WNK1: variants seen among roughly 807,000 people sequenced by gnomAD.
WNK1 encodes the protein serine/threonine-protein kinase WNK1.
Under a neutral mutation model 222.8 loss-of-function variants are expected in WNK1, and 38 were observed. The observed-to-expected ratio is 0.17, with a 90% CI of 0.13 to 0.22. WNK1 has a LOEUF of 0.22. WNK1 is among the 10% of genes least tolerant of loss of function. WNK1 has a pLI of 1.00. For missense variants in WNK1, 2,348 were observed against 2,918.4 expected, an observed-to-expected ratio of 0.80 and a Z score of 4.50; for synonymous variants, 1,090 against 1,092.9, an observed-to-expected ratio of 1.00 and a Z score of 0.05.
intron 23 of WNK1, among the ~76,000 whole-genome samples, chr12:895,074 A>G (rs1954622251): frequency 6.6e-6 from 1 of 152,238 alleles, no homozygotes; most frequent in Non-Finnish European, 1.5e-5. Context: ...CTTTGTGTAT[A>G]AAAATGTTTT....
At chr12:846,167 G>A (rs1006873720) in intron 4 of WNK1, among the ~76,000 whole-genome samples, 3 of 152,166 alleles carry the variant, frequency 2.0e-5, no homozygotes, top group African/African-American at 7.2e-5. Flanking sequence ...GGAGATGTGA[G>A]TAACAAAAGT....
At chr12:785,310 C>G (rs936282434) in intron 1 of WNK1, among the ~76,000 whole-genome samples, 1 of 151,990 alleles carries the variant, frequency 6.6e-6, no homozygotes, top group Middle Eastern at 3.2e-3. Context: ...ATTTCTTGCC[C>G]TCTGTTTTTT....
At chr12:768,834 G>A (rs1213603472) in intron 1 of WNK1, among the ~76,000 whole-genome samples, 1 of 150,242 alleles carries the variant, frequency 6.7e-6, no homozygotes, top group East Asian at 1.9e-4. Context: ...TTTTTGAGAC[G>A]GAGTCTTGCT....
intron 27 of WNK1, 161 bp from the exon 28 acceptor site, chr12:908,314 G>A: frequency 1.2e-6 from 1 of 828,256 alleles, no homozygotes. Flanking sequence ...CCTCTCATGA[G>A]GATTATTTTC....
chr12:902,178 A>T (rs1955320202), intron 26 of WNK1, among the ~76,000 whole-genome samples: 1 of 151,928 alleles, frequency 6.6e-6, no homozygotes, highest in South Asian at 2.1e-4. Context: ...GTGCACCTAT[A>T]GTCCCAGCTG....
rs1281361393 is a variant in WNK1, at chr12:911,363, C to T, written c.*2571C>T. The T allele has an allele frequency of 2.5e-6, 1 of 398,474 alleles. No homozygotes were observed. Among genetic ancestry groups the T allele is most frequent in the Non-Finnish European group, 4.4e-6 (1 of 226,060 alleles). 24.7% of individuals were successfully genotyped at this position (398,474 alleles called of 1,614,324 possible). ...TGCACTAACTCTGGGTGTTGCGCTT[C>T]TTGTAAGATTGCGCTTTGTGCTTCA... On this transcript the variant is annotated 3_prime_UTR_variant, in exon 28 of 28. Transcript: ENST00000315939.
rs1360173562 is a variant in WNK1, at chr12:910,166, A to G, written c.*1374A>G. The G allele has an allele frequency of 2.6e-5, 4 of 152,382 alleles. No homozygotes were observed. Among genetic ancestry groups the G allele is most frequent in the African/African-American group, 4.8e-5 (2 of 41,478 alleles). 9.4% of individuals were successfully genotyped at this position (152,382 alleles called of 1,614,324 possible). On this transcript the variant is annotated 3_prime_UTR_variant, in exon 28 of 28. Coordinates refer to ENST00000315939, the MANE Select transcript of WNK1 (RefSeq NM_018979.4). Reference sequence around the variant, plus strand: ...TAGTTTTCAAGTTGGGGAACCTGATAGTGAAAAGTCACAGATGGAGAAAAT... The same window carrying G: ...TAGTTTTCAAGTTGGGGAACCTGATGGTGAAAAGTCACAGATGGAGAAAAT...
chr12:891,689 G>A (rs1426992941), intron 22 of WNK1, among the ~76,000 whole-genome samples: 1 of 150,238 alleles, frequency 6.7e-6, no homozygotes, highest in African/African-American at 2.4e-5. Flanking sequence ...CTTGGAGTGT[G>A]GGCTGAGGAC....
At chr12:869,294 C>G (rs1565551723) in intron 8 of WNK1, 3 of 756,928 alleles carry the variant, frequency 4.0e-6, no homozygotes, top group Non-Finnish European at 6.6e-6. Flanking sequence ...GTGAGAGAAG[C>G]TACCTGATTT....
At chr12:832,324 C>T (rs1033828164) in intron 4 of WNK1, among the ~76,000 whole-genome samples, 2 of 152,134 alleles carry the variant, frequency 1.3e-5, no homozygotes, top group African/African-American at 4.8e-5. Flanking sequence ...ATCTGCCCAC[C>T]TCTGCCTCCC....
In WNK1 at chr12:885,010, T is replaced by C. The variant is rs768920849; in HGVS notation, c.4206T>C (p.Pro1402=). Residue 1402 remains proline (P), a synonymous_variant, in exon 19 of 28, where the codon CCT becomes CCC. Transcript: ENST00000315939. ...CTTCAGGTGGTCTCCCCATACCACC[T>C]GTGTCTGAATCACCAGTACTTTCCA... The part of the protein sequence containing the change: ...VVTSGGLPIP[P]VSESPVLSSV... 6.2e-7 allele frequency: 1 copy of C among 1,614,210 alleles called. No homozygotes were observed. The highest frequency in any genetic ancestry group is 8.5e-7 in the Non-Finnish European group (1 of 1,180,038).
At position 896,504 on chromosome 12, in the gene WNK1, A is replaced by G. The variant is rs1171346277; in HGVS notation, c.6017A>G (p.His2006Arg). 3 of 1,613,882 alleles carry G rather than the reference A, an allele frequency of 1.9e-6. No homozygotes were observed. Among genetic ancestry groups the G allele is most frequent in the South Asian group, 1.1e-5 (1 of 91,062 alleles). ...KEKPELSEPS[H>R]LNGPSSDPEA... ...AAGCCTGAACTGTCAGAGCCTTCAC[A>G]TCTAAATGGGCCGTCTTCTGACCCG... The change falls in exon 24 of 28, where the codon CAT becomes CGT. Residue 2006 changes from histidine (H) to arginine (R), a missense_variant. Transcript: ENST00000315939.
chr12:784,138 T>C (rs1029530051), intron 1 of WNK1, among the ~76,000 whole-genome samples: 6 of 152,130 alleles, frequency 3.9e-5, no homozygotes, highest in African/African-American at 1.4e-4. Context: ...GGAGGATTGC[T>C]TGAGCCCAGG....
intron 22 of WNK1, 63 bp downstream of exon 22, chr12:890,576 A>G (rs1363575570): frequency 2.7e-5 from 42 of 1,577,250 alleles, no homozygotes; most frequent in Non-Finnish European, 3.2e-5. Flanking sequence ...TTGATTCAGG[A>G]GGTTTACCGT....
chr12:844,422 G>A (rs1005857448), intron 4 of WNK1, among the ~76,000 whole-genome samples: 4 of 152,002 alleles, frequency 2.6e-5, no homozygotes, highest in Admixed American at 6.6e-5. Context: ...AGGCGTGAAC[G>A]ACCACGCCAG....
Position 911,265 on chromosome 12 carries a change from A to AATG in WNK1, c.*2474_*2476dup, listed in dbSNP as rs1182434836. 1 of 398,602 alleles carries AATG rather than the reference A, an allele frequency of 2.5e-6. No homozygotes were observed. Among genetic ancestry groups the AATG allele is most frequent in the South Asian group, 1.3e-4 (1 of 7,862 alleles). 24.7% of individuals were successfully genotyped at this position (398,602 alleles called of 1,614,324 possible). A position where few individuals can be genotyped will look rare whatever the true frequency, so the allele number is the denominator to read the frequency against. The stretch of plus-strand genomic sequence containing the variant: ...AAATGTTTTCCTTACATTATTTAAC[A>AATG]ATGTACACTGTTAAAAATAAAAATA... On this transcript the variant is annotated 3_prime_UTR_variant, in exon 28 of 28. Coordinates refer to ENST00000315939, the MANE Select transcript of WNK1 (RefSeq NM_018979.4).
intron 1 of WNK1, among the ~76,000 whole-genome samples, chr12:805,050 A>C (rs913235664): frequency 1.3e-5 from 2 of 151,488 alleles, no homozygotes; most frequent in African/African-American, 4.9e-5. Flanking sequence ...GGGTCATTGT[A>C]CCCTTTGACT....
chr12:829,074 T>C (rs532013908), intron 3 of WNK1, among the ~76,000 whole-genome samples: 142 of 152,356 alleles, frequency 9.3e-4, no homozygotes, highest in African/African-American at 3.4e-3. Flanking sequence ...AACATTTCTT[T>C]GATTGTCTTT....
intron 2 of WNK1, among the ~76,000 whole-genome samples, chr12:825,808 T>G (rs1591877613): frequency 1.3e-5 from 2 of 152,216 alleles, no homozygotes; most frequent in African/African-American, 4.8e-5. Flanking sequence ...AGATTTTCCT[T>G]TAACCAATCA....
Sources: gnomAD v4.1 joint callset for allele counts (sites outside exome capture counted in the v4.1 genomes callset) on GRCh38, gnomAD v4.1.1 for gene constraint, MANE v1.5 for transcripts, NCBI Gene and HGNC (gene_info 2026-07-23, HGNC 2026-07-21) for gene names.